Variants in SUGCT observed in about 807,000 individuals in gnomAD.
The protein encoded by SUGCT is succinyl-CoA:glutarate-CoA transferase.
SUGCT carries 41 observed loss-of-function variants against 55.0 expected under a neutral mutation model. The observed-to-expected ratio is 0.74, with a 90% CI of 0.58 to 0.97. The LOEUF (loss-of-function observed/expected upper bound fraction) is 0.97. Ranked by LOEUF, SUGCT falls within the 50% of genes least tolerant of loss-of-function variation. The pLI, the probability that SUGCT is intolerant of heterozygous loss-of-function variation, is 0.00. For missense variants in SUGCT, 568 were observed against 547.8 expected (o/e 1.04, Z -0.37); for synonymous variants, 187 against 200.4 (o/e 0.93, Z 0.56).
At chr7:40,993,493 G>A in the SUGCT span, among the ~76,000 whole-genome samples, 1 of 152,168 alleles carries the variant, frequency 6.6e-6, no homozygotes, top group Non-Finnish European at 1.5e-5. Flanking sequence ...AGGGAAGATG[G>A]AAAATGAAAG....
At chr7:40,626,830 A>C (rs1799549932) in intron 12 of SUGCT, among the ~76,000 whole-genome samples, 1 of 152,152 alleles carries the variant, frequency 6.6e-6, no homozygotes, top group Non-Finnish European at 1.5e-5. Context: ...TCTCTAGCTC[A>C]GTGCTTGGCA....
the SUGCT span, among the ~76,000 whole-genome samples, chr7:40,920,186 T>A: frequency 1.3e-5 from 2 of 152,160 alleles, no homozygotes; most frequent in Non-Finnish European, 2.9e-5. Flanking sequence ...TCATTTATAT[T>A]TCTAGCTCAC....
At chr7:40,241,534 G>T (rs1380790305) in intron 7 of SUGCT, among the ~76,000 whole-genome samples, 1 of 150,256 alleles carries the variant, frequency 6.7e-6, no homozygotes, top group Non-Finnish European at 1.5e-5. Flanking sequence ...GCCCAAGATT[G>T]CACCACTGCC....
intron 6 of SUGCT, among the ~76,000 whole-genome samples, chr7:40,233,181 A>AT (rs1359358330): frequency 4.6e-5 from 7 of 151,882 alleles, no homozygotes; most frequent in Admixed American, 4.6e-4. Context: ...ATGTGGAATA[A>AT]TTTTTGACTC....
chr7:40,864,796 A>G (rs1052286593), downstream of SUGCT, among the ~76,000 whole-genome samples: 11 of 152,164 alleles, frequency 7.2e-5, no homozygotes, highest in African/African-American at 2.7e-4. Context: ...TGGAAGCCAC[A>G]GGCAGAATGA....
At chr7:40,594,844 A>G (rs932238455) in intron 12 of SUGCT, among the ~76,000 whole-genome samples, 1 of 152,182 alleles carries the variant, frequency 6.6e-6, no homozygotes, top group Non-Finnish European at 1.5e-5. Flanking sequence ...TCAAAGCCCC[A>G]TCTGCTCGGC....
chr7:40,203,429 A>C (rs560410167), intron 6 of SUGCT, among the ~76,000 whole-genome samples: 59 of 152,220 alleles, frequency 3.9e-4, no homozygotes, highest in Non-Finnish European at 8.4e-4. Flanking sequence ...ATTAACATTA[A>C]GTCGAGTGAA....
At chr7:40,574,274 C>G (rs746985505) in intron 12 of SUGCT, among the ~76,000 whole-genome samples, 37 of 152,192 alleles carry the variant, frequency 2.4e-4, no homozygotes, top group Non-Finnish European at 4.1e-4. Context: ...TCACTTATCT[C>G]TTTTTTATCC....
At chr7:40,920,732 A>G in the SUGCT span, among the ~76,000 whole-genome samples, 3 of 152,244 alleles carry the variant, frequency 2.0e-5, no homozygotes, top group East Asian at 3.8e-4. Context: ...CCCAGATGAA[A>G]GAGAAAGGAT....
chr7:40,789,561 A>G (rs1437123412), intron 13 of SUGCT, among the ~76,000 whole-genome samples: 1 of 152,116 alleles, frequency 6.6e-6, no homozygotes, highest in African/African-American at 2.4e-5. Context: ...CTTAGTTACT[A>G]TGCATAGTGC....
intron 4 of SUGCT, 92 bp downstream of exon 4, chr7:40,188,672 T>A: frequency 4.2e-6 from 3 of 714,140 alleles, no homozygotes; most frequent in African/African-American, 1.9e-5. Flanking sequence ...TTTTCTTCCT[T>A]AAAAAAATTA....
chr7:41,008,577 C>T, the SUGCT span, among the ~76,000 whole-genome samples: 1 of 152,056 alleles, frequency 6.6e-6, no homozygotes, highest in African/African-American at 2.4e-5. Flanking sequence ...CCACAGCTTG[C>T]GTGTTCCTCT....
At chr7:40,675,031 A>G (rs947404038) in intron 12 of SUGCT, among the ~76,000 whole-genome samples, 10 of 150,304 alleles carry the variant, frequency 6.7e-5, no homozygotes, top group African/African-American at 2.4e-4. Flanking sequence ...TTAGATAATT[A>G]TATGTAATAT....
chr7:40,184,435 A>T (rs1158291122), intron 3 of SUGCT, among the ~76,000 whole-genome samples: 2 of 151,214 alleles, frequency 1.3e-5, no homozygotes, highest in East Asian at 1.9e-4. Flanking sequence ...GCCTGGCTAA[A>T]TTTTTTTTGT....
At chr7:40,522,420 A>T (rs1191124680) in intron 12 of SUGCT, among the ~76,000 whole-genome samples, 2 of 152,054 alleles carry the variant, frequency 1.3e-5, no homozygotes, top group Non-Finnish European at 2.9e-5. Context: ...AACTACTTAC[A>T]CTAGTTGCTA....
chr7:40,373,234 C>A (rs970981209), intron 9 of SUGCT, among the ~76,000 whole-genome samples: 1 of 21,706 alleles, frequency 4.6e-5, no homozygotes, highest in South Asian at 2.2e-3. Context: ...AGAAATAATG[C>A]CTATTTAATT....
At chr7:40,434,187 A>G (rs1399380168) in intron 9 of SUGCT, among the ~76,000 whole-genome samples, 1 of 152,210 alleles carries the variant, frequency 6.6e-6, no homozygotes, top group Non-Finnish European at 1.5e-5. Context: ...CAAACCTTAC[A>G]TAACACTCTC....
At chr7:40,961,115 A>G in the SUGCT span, among the ~76,000 whole-genome samples, 1 of 151,890 alleles carries the variant, frequency 6.6e-6, no homozygotes, top group Non-Finnish European at 1.5e-5. Flanking sequence ...CCTCCTCCAC[A>G]CTCAGCACCC....
In SUGCT at chr7:40,298,735, A is replaced by AT. The variant is rs572413470; in HGVS notation, c.721-18011dup. Among the ~76,000 whole-genome samples, 1,164 of 144,900 alleles carry AT rather than the reference A, an allele frequency of 8.0e-3. 10 individuals are homozygous for AT. The highest frequency in any genetic ancestry group is 0.025 in the South Asian group (113 of 4,554). ...AATCAGAGGTTTCTCTTGTGAAGGA[A>AT]TTTTTTTTTTTTTTGGGTCCAGGTT... On this transcript the variant is annotated intron_variant, in intron 8 of 13. Transcript: ENST00000335693.
Sources: gnomAD v4.1 joint callset for allele counts (sites outside exome capture counted in the v4.1 genomes callset) on GRCh38, gnomAD v4.1.1 for gene constraint, MANE v1.5 for transcripts, NCBI Gene and HGNC (gene_info 2026-07-23, HGNC 2026-07-21) for gene names.